Variants in PTCHD4 observed in about 807,000 individuals in gnomAD.
PTCHD4 encodes the protein patched domain-containing protein 4.
Under a neutral mutation model 58.1 loss-of-function variants are expected in PTCHD4, and 33 were observed. That is an observed-to-expected ratio of 0.57 (90% CI 0.43 to 0.76). The LOEUF (loss-of-function observed/expected upper bound fraction) is 0.76, where lower values mean the gene tolerates loss of function less well. Ranked by LOEUF, PTCHD4 falls within the 30% of genes least tolerant of loss-of-function variation. The pLI, the probability that PTCHD4 is intolerant of heterozygous loss-of-function variation, is 0.00. For missense variants in PTCHD4, 1,058 were observed against 1,027.1 expected, an observed-to-expected ratio of 1.03 and a Z score of -0.41; for synonymous variants, 478 against 409.6, an observed-to-expected ratio of 1.17 and a Z score of -2.02.
chr6:47,890,031 G>A (rs974568661), intron 4 of PTCHD4, among the ~76,000 whole-genome samples: 1 of 151,886 alleles, frequency 6.6e-6, no homozygotes, highest in Non-Finnish European at 1.5e-5. Flanking sequence ...CAGTGTATGT[G>A]TGTATATATA....
chr6:47,960,670 CTAA>C (rs1281376768), intron 4 of PTCHD4, among the ~76,000 whole-genome samples: 1 of 151,642 alleles, frequency 6.6e-6, no homozygotes, highest in African/African-American at 2.4e-5. Context: ...AATAATCCTC[CTAA>C]TAATAACTAG....
intron 1 of PTCHD4, among the ~76,000 whole-genome samples, chr6:48,079,135 A>G (rs1013699210): frequency 9.9e-5 from 15 of 151,432 alleles, no homozygotes; most frequent in African/African-American, 3.6e-4. Flanking sequence ...AAAAAAAAAA[A>G]GAAATTGCAT....
intron 4 of PTCHD4, among the ~76,000 whole-genome samples, chr6:47,914,134 C>T (rs369364329): frequency 6.6e-6 from 1 of 152,100 alleles, no homozygotes; most frequent in African/African-American, 2.4e-5. Context: ...GTATTATATA[C>T]ACAAAATATC....
intron 3 of PTCHD4, among the ~76,000 whole-genome samples, chr6:48,029,597 A>G (rs1005236233): frequency 2.6e-5 from 4 of 152,112 alleles, no homozygotes; most frequent in Non-Finnish European, 4.4e-5. Context: ...GTAGCCATTT[A>G]GTAAAATATG....
intron 4 of PTCHD4, among the ~76,000 whole-genome samples, chr6:47,963,899 C>CAAGCAAAT: frequency 6.6e-6 from 1 of 152,296 alleles, no homozygotes; most frequent in African/African-American, 2.4e-5. Flanking sequence ...GGCTCTCAAG[C>CAAGCAAAT]AAGCAAATAC....
At chr6:48,036,912 C>A (rs1763658288) in intron 3 of PTCHD4, among the ~76,000 whole-genome samples, 11 of 152,072 alleles carry the variant, frequency 7.2e-5, no homozygotes, top group Admixed American at 7.2e-4. Context: ...ATGGAAAAGT[C>A]ATTACATTTG....
chr6:48,009,160 C>A, intron 3 of PTCHD4, 46 bp from the exon 4 acceptor site: 1 of 1,537,108 alleles, frequency 6.5e-7, no homozygotes, highest in South Asian at 1.3e-5. Context: ...ATGTATATTC[C>A]AGGGAATAGA....
rs1763320229 is a variant in PTCHD4 at position 47,856,808 on chromosome 6, T to C, written c.*21495A>G. Among the ~76,000 whole-genome samples, 1 of 152,062 alleles carries C rather than the reference T, an allele frequency of 6.6e-6. No individual in the cohort carries two copies. The highest frequency in any genetic ancestry group is 2.4e-5 in the African/African-American group (1 of 41,420). On this transcript the variant is annotated 3_prime_UTR_variant, in exon 5 of 5. Coordinates refer to ENST00000339488, the MANE Select transcript of PTCHD4 (RefSeq NM_001384253.1). ...TACCTAATAAAAAAGTTAAAATAATTAACAGCATTCATCAGATTAATTTTG... is the reference window on the plus strand; with the variant it reads ...TACCTAATAAAAAAGTTAAAATAATCAACAGCATTCATCAGATTAATTTTG...
intron 1 of PTCHD4, among the ~76,000 whole-genome samples, chr6:48,096,324 G>C (rs940930736): frequency 6.6e-6 from 1 of 152,168 alleles, no homozygotes; most frequent in African/African-American, 2.4e-5. Context: ...GAAATTCCTT[G>C]TGCATGGCAT....
At position 47,860,946 on chromosome 6, in the gene PTCHD4, A is replaced by G. The variant is rs375883278; in HGVS notation, c.*17357T>C. ...TCTGTATCTAAGGTAGTATAGTCCAACTAAGAAACAGAGTTGATGTGCTCC... is the reference window on the plus strand; with the variant it reads ...TCTGTATCTAAGGTAGTATAGTCCAGCTAAGAAACAGAGTTGATGTGCTCC... On this transcript the variant is annotated 3_prime_UTR_variant, in exon 5 of 5. Transcript: ENST00000339488. 2.0e-5 allele frequency among the ~76,000 whole-genome samples: 3 copies of G among 152,004 alleles called. No individual in the cohort carries two copies. Among genetic ancestry groups the G allele is most frequent in the African/African-American group, 7.2e-5 (3 of 41,438 alleles).
At chr6:47,978,264 T>C (rs1767767326) in intron 4 of PTCHD4, among the ~76,000 whole-genome samples, 1 of 152,070 alleles carries the variant, frequency 6.6e-6, no homozygotes, top group African/African-American at 2.4e-5. Flanking sequence ...CTAATATTAG[T>C]CCAACACTAC....
chr6:47,962,022 AG>A (rs1767117927), intron 4 of PTCHD4, among the ~76,000 whole-genome samples: 1 of 152,144 alleles, frequency 6.6e-6, no homozygotes, highest in African/African-American at 2.4e-5. Context: ...AAATCTAACC[AG>A]GTTTATTAGG....
chr6:47,856,882 A>T lies in PTCHD4; in HGVS notation c.*21421T>A, dbSNP rs1402195869. On this transcript the variant is annotated 3_prime_UTR_variant, in exon 5 of 5. Transcript: ENST00000339488. The stretch of plus-strand genomic sequence containing the variant: ...AAAAAGCATATAGTCATCAACCTTT[A>T]TATAAATCCATATATGTTTGTAATA... Among the ~76,000 whole-genome samples, 1 of 152,088 alleles carries T rather than the reference A, an allele frequency of 6.6e-6. No individual in the cohort carries two copies. The highest frequency in any genetic ancestry group is 1.5e-5 in the Non-Finnish European group (1 of 67,992).
chr6:48,036,149 T>A (rs1763627659), intron 3 of PTCHD4, among the ~76,000 whole-genome samples: 1 of 152,074 alleles, frequency 6.6e-6, no homozygotes, highest in Admixed American at 6.6e-5. Flanking sequence ...GCAAAAAGTT[T>A]AATTTTTTTT....
chr6:47,885,415 A>T (rs565506715), intron 4 of PTCHD4, among the ~76,000 whole-genome samples: 86 of 152,298 alleles, frequency 5.6e-4, no homozygotes, highest in African/African-American at 2.0e-3. Flanking sequence ...TTTAACAATG[A>T]TTTGGTAAGT....
chr6:48,045,059 T>C (rs1189092160), intron 3 of PTCHD4, among the ~76,000 whole-genome samples: 1 of 151,712 alleles, frequency 6.6e-6, no homozygotes, highest in Non-Finnish European at 1.5e-5. Context: ...AGCCCTTCCA[T>C]CTCTGCCACA....
At chr6:48,013,078 G>T (rs1427694351) in intron 3 of PTCHD4, among the ~76,000 whole-genome samples, 1 of 152,102 alleles carries the variant, frequency 6.6e-6, no homozygotes, top group Non-Finnish European at 1.5e-5. Flanking sequence ...TCAGGATGAT[G>T]CTGGCCTCAT....
Position 47,962,732 on chromosome 6 carries a change from C to G in PTCHD4, c.898+45902G>C, listed in dbSNP as rs1034491256. ...AAACCTCTTTTCTTTATAAATTACCCAGTCTCGGGCTATAAAGAAGTATGA... is the reference window on the plus strand; with the variant it reads ...AAACCTCTTTTCTTTATAAATTACCGAGTCTCGGGCTATAAAGAAGTATGA... On this transcript the variant is annotated intron_variant, in intron 4 of 4. Transcript: ENST00000339488. Among the ~76,000 whole-genome samples the G allele has an allele frequency of 1.4e-4, 21 of 151,782 alleles. No individual in the cohort carries two copies. In the South Asian group the frequency reaches 1.9e-3, roughly 14 times the overall value.
At position 47,865,915 on chromosome 6, in the gene PTCHD4, C is replaced by A. The variant is rs919910124; in HGVS notation, c.*12388G>T. On this transcript the variant is annotated 3_prime_UTR_variant, in exon 5 of 5. Transcript: ENST00000339488. The stretch of plus-strand genomic sequence containing the variant: ...ATTCAACTCCTGTACTGGAAATGTA[C>A]CCTCAAGCTAAATTGAGTTCGTTGA... Among the ~76,000 whole-genome samples, 8 of 151,852 alleles carry A rather than the reference C, an allele frequency of 5.3e-5. No individual in the cohort carries two copies. Among genetic ancestry groups the A allele is most frequent in the African/African-American group, 1.9e-4 (8 of 41,392 alleles).
Sources: gnomAD v4.1 joint callset for allele counts (sites outside exome capture counted in the v4.1 genomes callset) on GRCh38, gnomAD v4.1.1 for gene constraint, MANE v1.5 for transcripts, NCBI Gene and HGNC (gene_info 2026-07-23, HGNC 2026-07-21) for gene names.